Variants in BCL2L13 observed in about 807,000 individuals in gnomAD.
BCL2L13 encodes the protein bcl-2-like protein 13.
BCL2L13 carries 13 observed loss-of-function variants against 25.8 expected under a neutral mutation model. The observed-to-expected ratio is 0.50, with a 90% CI of 0.33 to 0.80. BCL2L13 has a LOEUF of 0.80. Among genes scored for constraint, BCL2L13 ranks in the 30% least tolerant of loss-of-function variants. The pLI, the probability that BCL2L13 is intolerant of heterozygous loss-of-function variation, is 0.02. For missense variants in BCL2L13, 504 were observed against 574.9 expected (o/e 0.88, Z 1.26); for synonymous variants, 244 against 230.3 (o/e 1.06, Z -0.54).
At chr22:17,721,059 CGGG>C (rs1318228101) in intron 6 of BCL2L13, among the ~76,000 whole-genome samples, 282 of 151,400 alleles carry the variant, frequency 1.9e-3, no homozygotes, top group African/African-American at 6.6e-3. Flanking sequence ...CCCAGCTACT[CGGG>C]GGGAGGCTGA....
intron 6 of BCL2L13, among the ~76,000 whole-genome samples, chr22:17,722,280 C>T (rs1411194066): frequency 6.6e-6 from 1 of 151,716 alleles, no homozygotes; most frequent in African/African-American, 2.4e-5. Flanking sequence ...CCAGGCTGGA[C>T]TACAGTGGCA....
chr22:17,680,579 GGA>G (rs1244040415), intron 2 of BCL2L13, among the ~76,000 whole-genome samples: 2 of 145,810 alleles, frequency 1.4e-5, no homozygotes, highest in Non-Finnish European at 3.0e-5. Flanking sequence ...TGGACATAAG[GGA>G]GACAGCACAG....
intron 2 of BCL2L13, among the ~76,000 whole-genome samples, chr22:17,676,283 A>G (rs936997765): frequency 5.0e-5 from 7 of 140,058 alleles, no homozygotes; most frequent in Non-Finnish European, 7.7e-5. Context: ...CCAACATGGC[A>G]GAACCCTATC....
At chr22:17,688,910 G>A in intron 3 of BCL2L13, 76 bp from the exon 4 acceptor site, 1 of 1,448,668 alleles carries the variant, frequency 6.9e-7, no homozygotes, top group Admixed American at 2.0e-5. Context: ...TGGGATTACA[G>A]GCATGTGCCA....
chr22:17,634,620 C>A (rs1262224880), upstream of BCL2L13, among the ~76,000 whole-genome samples: 3 of 152,168 alleles, frequency 2.0e-5, no homozygotes, highest in East Asian at 5.8e-4. Context: ...GCACCCAGCA[C>A]CCTGCCTGGT....
intron 3 of BCL2L13, among the ~76,000 whole-genome samples, chr22:17,685,770 T>TTTTTC (rs1568972506): frequency 9.8e-6 from 1 of 102,034 alleles, no homozygotes; most frequent in Non-Finnish European, 1.9e-5. Context: ...CTTTTTTTTT[T>TTTTTC]TTTTTTTTTT....
At chr22:17,667,622 C>T (rs1409807025) in intron 2 of BCL2L13, among the ~76,000 whole-genome samples, 6 of 152,092 alleles carry the variant, frequency 3.9e-5, no homozygotes, top group Non-Finnish European at 5.9e-5. Flanking sequence ...GATTCTCCTG[C>T]CCCCACCTCC....
rs1166792513 is a variant in BCL2L13 at position 17,685,760 on chromosome 22, C to CTTTTTTTTTTTTTTTTTTTTTTTTTTTTT, written c.229+2440_229+2468dup. Among the ~76,000 whole-genome samples the CTTTTTTTTTTTTTTTTTTTTTTTTTTTTT allele has an allele frequency of 9.9e-5, 6 of 60,520 alleles. 2 individuals carry two copies. Among genetic ancestry groups the CTTTTTTTTTTTTTTTTTTTTTTTTTTTTT allele is most frequent in the East Asian group, 1.0e-3 (2 of 1,996 alleles). The allele number at this position is 60,520 out of a possible 152,430, so 39.7% of individuals were successfully genotyped here. A position where few individuals can be genotyped will look rare whatever the true frequency, so the allele number is the denominator to read the frequency against. ...TATTGCCCAATAATTTTTTCTTTTT[C>CTTTTTTTTTTTTTTTTTTTTTTTTTTTTT]TTTTTTTTTTTTTTTTTTTTTTTTT... is the stretch of plus-strand genomic sequence containing the variant. On this transcript the variant is annotated intron_variant, in intron 3 of 6. Transcript: ENST00000317582.
intron 2 of BCL2L13, among the ~76,000 whole-genome samples, chr22:17,676,063 T>C (rs937030217): frequency 2.0e-5 from 3 of 152,230 alleles, no homozygotes; most frequent in African/African-American, 7.2e-5. Context: ...TATCTAATAA[T>C]ACAATTTTAG....
At chr22:17,638,187 T>G (rs2058146319), upstream of BCL2L13, 1 of 153,080 alleles carries the variant, frequency 6.5e-6, no homozygotes, top group African/African-American at 2.4e-5. Context: ...CCAGGCGCTG[T>G]GTGTTCCAGG....
intron 2 of BCL2L13, among the ~76,000 whole-genome samples, chr22:17,676,356 G>C (rs182647426): frequency 3.3e-5 from 5 of 152,236 alleles, no homozygotes; most frequent in Admixed American, 2.0e-4. Flanking sequence ...CCAGCTACTT[G>C]GGAGGCTGAG....
At chr22:17,664,534 A>C (rs1180172117) in intron 2 of BCL2L13, among the ~76,000 whole-genome samples, 1 of 152,090 alleles carries the variant, frequency 6.6e-6, no homozygotes, top group African/African-American at 2.4e-5. Flanking sequence ...CCTTCTTCTC[A>C]CAGCTCCACT....
intron 1 of BCL2L13, among the ~76,000 whole-genome samples, chr22:17,630,394 C>G (rs1485842452): frequency 6.6e-6 from 1 of 151,618 alleles, no homozygotes; most frequent in Non-Finnish European, 1.5e-5. Flanking sequence ...ATTCTCCTCC[C>G]TCAGCCTCCC....
At chr22:17,662,222 T>A (rs1347533016) in intron 2 of BCL2L13, among the ~76,000 whole-genome samples, 3 of 152,208 alleles carry the variant, frequency 2.0e-5, no homozygotes, top group Non-Finnish European at 4.4e-5. Context: ...CTCACGCCTG[T>A]AATCCCAGCA....
At position 17,638,866 on chromosome 22, in the gene BCL2L13, T is replaced by TGGGGCA; in HGVS notation, c.-65_-60dup. The TGGGGCA allele has an allele frequency of 1.6e-6, 2 of 1,232,610 alleles. No homozygotes were observed. Among genetic ancestry groups the TGGGGCA allele is most frequent in the African/African-American group, 3.1e-5 (2 of 64,546 alleles). The allele number at this position is 1,232,610 out of a possible 1,614,324, so 76.4% of individuals were successfully genotyped here. A position where few individuals can be genotyped will look rare whatever the true frequency, so the allele number is the denominator to read the frequency against. ...CCGCCGCCGCCTCTTTCATCTCTTC[T>TGGGGCA]GGGGCAGGGGCCAGGGCCAGGTGAG... On this transcript the variant is annotated 5_prime_UTR_variant, in exon 1 of 7. Coordinates refer to ENST00000317582, the MANE Select transcript of BCL2L13 (RefSeq NM_015367.4).
At chr22:17,715,723 A>G (rs2060928969) in intron 6 of BCL2L13, among the ~76,000 whole-genome samples, 1 of 152,180 alleles carries the variant, frequency 6.6e-6, no homozygotes, top group African/African-American at 2.4e-5. Context: ...AAGGATTCAG[A>G]TGGGCAGAAT....
At chr22:17,714,076 G>C (rs1038604465) in intron 6 of BCL2L13, among the ~76,000 whole-genome samples, 1 of 151,532 alleles carries the variant, frequency 6.6e-6, no homozygotes, top group Non-Finnish European at 1.5e-5. Flanking sequence ...GGTGGATCAC[G>C]AGGTCAGGAG....
At chr22:17,691,651 CAAA>C (rs71284920) in intron 4 of BCL2L13, among the ~76,000 whole-genome samples, 1 of 147,200 alleles carries the variant, frequency 6.8e-6, no homozygotes, top group African/African-American at 2.5e-5. Flanking sequence ...GTCTCAAAAA[CAAA>C]AAAAAAAGAA....
At chr22:17,650,463 G>T (rs2058646283) in intron 1 of BCL2L13, among the ~76,000 whole-genome samples, 1 of 151,968 alleles carries the variant, frequency 6.6e-6, no homozygotes, top group Admixed American at 6.6e-5. Context: ...AAAAATTTCT[G>T]TGGCTCCTAT....
Sources: allele counts gnomAD v4.1 joint callset (sites outside exome capture counted in the v4.1 genomes callset), GRCh38; gene constraint gnomAD v4.1.1; transcripts MANE v1.5; gene names NCBI Gene and HGNC (gene_info 2026-07-23, HGNC 2026-07-21).